The following DPYSL2 variants were observed in gnomAD, a reference collection of about 807,000 sequenced individuals.
The protein encoded by DPYSL2 is dihydropyrimidinase-related protein 2.
Under a neutral mutation model 69.9 loss-of-function variants are expected in DPYSL2, and 13 were observed. The observed-to-expected ratio is 0.19, with a 90% confidence interval of 0.12 to 0.30. The LOEUF (loss-of-function observed/expected upper bound fraction) is 0.30, where lower values mean the gene tolerates loss of function less well. Among genes scored for constraint, DPYSL2 ranks in the 10% least tolerant of loss-of-function variants. The pLI, the probability that DPYSL2 is intolerant of heterozygous loss-of-function variation, is 1.00. For synonymous variants in DPYSL2, 326 were observed against 359.1 expected, an observed-to-expected ratio of 0.91 and a Z score of 1.04; for missense variants, 587 against 918.9, an observed-to-expected ratio of 0.64 and a Z score of 4.67.
At chr8:26,637,194 T>C (rs1802941947) in intron 8 of DPYSL2, among the ~76,000 whole-genome samples, 2 of 152,178 alleles carry the variant, frequency 1.3e-5, no homozygotes, top group South Asian at 4.1e-4. Flanking sequence ...ATTCAAACTG[T>C]TACCCATTAA....
At chr8:26,549,268 A>T (rs1800834711) in intron 1 of DPYSL2, among the ~76,000 whole-genome samples, 1 of 150,952 alleles carries the variant, frequency 6.6e-6, no homozygotes, top group South Asian at 2.2e-4. Context: ...ACTATACTAG[A>T]AATGAAGAAT....
Position 26,514,209 on chromosome 8 carries a change from TG to T in DPYSL2, c.-114del. Reference sequence around the variant, plus strand: ...TCCTTCCTTTCTGTGCACCTTGCGGTGGGCGGCGAACGGCAGCCGCGGCAGC... The same window carrying T: ...TCCTTCCTTTCTGTGCACCTTGCGGTGGCGGCGAACGGCAGCCGCGGCAGC... On this transcript the variant is annotated 5_prime_UTR_variant, in exon 1 of 14. Coordinates refer to ENST00000521913, the MANE Select transcript of DPYSL2 (RefSeq NM_001197293.3). This position sits in a 1 kb window ranked among gnomAD's most constrained non-coding sequence, Gnocchi z 8.4. The T allele has an allele frequency of 2.2e-6, 2 of 914,582 alleles. No homozygotes were observed. Among genetic ancestry groups the T allele is most frequent in the Non-Finnish European group, 3.0e-6 (2 of 661,468 alleles). 56.7% of individuals were successfully genotyped at this position (914,582 alleles called of 1,614,324 possible).
At chr8:26,608,119 G>T (rs1004197432) in intron 3 of DPYSL2, among the ~76,000 whole-genome samples, 1 of 150,872 alleles carries the variant, frequency 6.6e-6, no homozygotes, top group African/African-American at 2.4e-5. Flanking sequence ...TTATTAATAT[G>T]ACCATGTTCA....
intron 1 of DPYSL2, chr8:26,577,033 C>T (rs1329758890): frequency 2.8e-6 from 1 of 361,740 alleles, no homozygotes; most frequent in Non-Finnish European, 5.5e-6. Flanking sequence ...CATTCCTCCG[C>T]CCTACTAAGT....
At position 26,562,155 on chromosome 8, in the gene DPYSL2, G is replaced by T. The variant is rs1801082017; in HGVS notation, c.355-19814G>T. On this transcript the variant is annotated intron_variant, in intron 1 of 13. Transcript: ENST00000521913. This position sits in a 1 kb window ranked among gnomAD's most constrained non-coding sequence, Gnocchi z 4.9. ...AGAAACAAGAGTGGATAAGAGGAAG[G>T]ACACACACTGGTCAGACTGCAGGGC... Among the ~76,000 whole-genome samples the T allele has an allele frequency of 6.6e-6, 1 of 152,146 alleles. No individual in the cohort carries two copies. The highest frequency in any genetic ancestry group is 1.9e-4 in the East Asian group (1 of 5,188).
intron 1 of DPYSL2, among the ~76,000 whole-genome samples, chr8:26,556,125 ATT>A (rs201366718): frequency 0.025 from 237 of 9,620 alleles, 49 homozygotes; most frequent in East Asian, 0.05. Context: ...TACTATATAT[ATT>A]ATATATACTA....
chr8:26,647,476 G>A lies in DPYSL2; in HGVS notation c.1426-154G>A, dbSNP rs898191412. On this transcript the variant is annotated intron_variant, in intron 10 of 13. Transcript: ENST00000521913. The surrounding 1 kb of genome is among the most constrained non-coding windows in gnomAD (Gnocchi z 5.1). The stretch of plus-strand genomic sequence containing the variant: ...TGTTATAGAAATGGAGTCATACAGT[G>A]TGTGACCTTTGAGACGGTTTGTGTT... Among the ~76,000 whole-genome samples the A allele has an allele frequency of 6.6e-6, 1 of 152,202 alleles. No homozygotes were observed. Among genetic ancestry groups the A allele is most frequent in the African/African-American group, 2.4e-5 (1 of 41,454 alleles).
At chr8:26,551,316 C>G (rs1029564613) in intron 1 of DPYSL2, among the ~76,000 whole-genome samples, 1 of 152,062 alleles carries the variant, frequency 6.6e-6, no homozygotes, top group African/African-American at 2.4e-5. Flanking sequence ...GACTTCAGAG[C>G]TAGGAAAATT....
At chr8:26,535,277 C>T (rs997236070) in intron 1 of DPYSL2, among the ~76,000 whole-genome samples, 4 of 152,150 alleles carry the variant, frequency 2.6e-5, no homozygotes, top group Non-Finnish European at 4.4e-5. Context: ...CCCTCATGAC[C>T]TGATCACCTC....
intron 1 of DPYSL2, among the ~76,000 whole-genome samples, chr8:26,519,046 C>T (rs112549461): frequency 3.3e-5 from 5 of 152,248 alleles, no homozygotes; most frequent in African/African-American, 7.2e-5. Flanking sequence ...GTCATTGGAC[C>T]GCCAGTGACA....
Position 26,624,127 on chromosome 8 carries a change from G to A in DPYSL2, c.629-16G>A, listed in dbSNP as rs1364256800. 1 of 1,614,050 alleles carries A rather than the reference G, an allele frequency of 6.2e-7. No homozygotes were observed. Among genetic ancestry groups the A allele is most frequent in the Non-Finnish European group, 8.5e-7 (1 of 1,179,964 alleles). On this transcript the variant is annotated splice_polypyrimidine_tract_variant and intron_variant, in intron 3 of 13. Transcript: ENST00000521913. The surrounding 1 kb of genome is among the most constrained non-coding windows in gnomAD (Gnocchi z 4.7). ...GAGGCTCTTGGTGATGATGACATAT[G>A]TCTGTTTCTTTCTAGTTGACCACGT...
At chr8:26,616,966 TAACCCCCA>T (rs1802368548) in intron 3 of DPYSL2, among the ~76,000 whole-genome samples, 1 of 152,214 alleles carries the variant, frequency 6.6e-6, no homozygotes, top group East Asian at 1.9e-4. Context: ...TCCACGTGCG[TAACCCCCA>T]GCTGACTTAC....
Position 26,517,636 on chromosome 8 carries a change from C to G in DPYSL2, c.354+2957C>G, listed in dbSNP as rs1303263519. On this transcript the variant is annotated intron_variant, in intron 1 of 13. Coordinates refer to ENST00000521913, the MANE Select transcript of DPYSL2 (RefSeq NM_001197293.3). The surrounding 1 kb of genome is among the most constrained non-coding windows in gnomAD (Gnocchi z 4.2). ...AACTTCCTCCATTCCACTCCAGACACAGCGTAGCCAGAACCAGTGGCTCCA... is the reference window on the plus strand; with the variant it reads ...AACTTCCTCCATTCCACTCCAGACAGAGCGTAGCCAGAACCAGTGGCTCCA... 6.6e-6 allele frequency among the ~76,000 whole-genome samples: 1 copy of G among 152,208 alleles called. No homozygotes were observed. The highest frequency in any genetic ancestry group is 2.4e-5 in the African/African-American group (1 of 41,454).
At chr8:26,628,385 C>T (rs1253444940) in intron 7 of DPYSL2, among the ~76,000 whole-genome samples, 1 of 152,202 alleles carries the variant, frequency 6.6e-6, no homozygotes, top group Non-Finnish European at 1.5e-5. Context: ...CAGGATATCA[C>T]ATGATATGCA....
At chr8:26,590,763 C>T (rs1239072240) in intron 3 of DPYSL2, among the ~76,000 whole-genome samples, 2 of 152,256 alleles carry the variant, frequency 1.3e-5, no homozygotes, top group South Asian at 4.1e-4. Flanking sequence ...GAGGGATCTC[C>T]TAATGCCTGG....
intron 3 of DPYSL2, among the ~76,000 whole-genome samples, chr8:26,589,404 C>T (rs890993848): frequency 3.3e-5 from 5 of 152,228 alleles, no homozygotes; most frequent in African/African-American, 1.2e-4. Context: ...GCCTGGGCAG[C>T]CTCACTCCTC....
chr8:26,618,977 G>A (rs1373744060), intron 3 of DPYSL2, among the ~76,000 whole-genome samples: 2 of 151,786 alleles, frequency 1.3e-5, no homozygotes, highest in Non-Finnish European at 2.9e-5. Flanking sequence ...AAAAAGAAAA[G>A]AAAAAAGAAA....
At chr8:26,634,663 G>A in intron 7 of DPYSL2, 117 bp from the exon 8 acceptor site, 2 of 1,552,494 alleles carry the variant, frequency 1.3e-6, no homozygotes, top group African/African-American at 1.3e-5. Flanking sequence ...CCTGGGGTAG[G>A]ACCTTGGAGA....
intron 1 of DPYSL2, among the ~76,000 whole-genome samples, chr8:26,561,026 C>A (rs1226096510): frequency 6.6e-5 from 10 of 152,228 alleles, no homozygotes; most frequent in African/African-American, 2.2e-4. Flanking sequence ...ATTATCTCAC[C>A]CTCTACCTGC....
Sources: allele counts gnomAD v4.1 joint callset (sites outside exome capture counted in the v4.1 genomes callset), GRCh38; gene constraint gnomAD v4.1.1; non-coding constraint Gnocchi (gnomAD v3.1); transcripts MANE v1.5; gene names NCBI Gene and HGNC (gene_info 2026-07-23, HGNC 2026-07-21).